Variants in FGF12 observed in about 807,000 individuals in gnomAD.
FGF12 encodes fibroblast growth factor 12.
Under a neutral mutation model 23.6 loss-of-function variants are expected in FGF12, and 14 were observed. The observed-to-expected ratio is 0.59, with a 90% CI of 0.39 to 0.93. The LOEUF (loss-of-function observed/expected upper bound fraction) is 0.93, where lower values mean the gene tolerates loss of function less well. Among genes scored for constraint, FGF12 ranks in the 40% least tolerant of loss-of-function variants. FGF12 has a pLI of 0.00. For missense variants in FGF12, 175 were observed against 217.8 expected (o/e 0.80, Z 1.24); for synonymous variants, 62 against 77.3 (o/e 0.80, Z 1.04).
chr3:192,441,746 T>G (rs1371379510), intron 2 of FGF12, among the ~76,000 whole-genome samples: 3 of 152,348 alleles, frequency 2.0e-5, no homozygotes, highest in South Asian at 2.1e-4. Context: ...AAGTGAGTCC[T>G]TAGCAATTCT....
chr3:192,324,204 A>C (rs1030521107), intron 4 of FGF12, among the ~76,000 whole-genome samples: 1 of 152,000 alleles, frequency 6.6e-6, no homozygotes, highest in African/African-American at 2.4e-5. Flanking sequence ...ATAAAATGCA[A>C]CTCTCTTTCA....
chr3:192,440,587 T>C (rs925056508), intron 2 of FGF12, among the ~76,000 whole-genome samples: 8 of 152,218 alleles, frequency 5.3e-5, no homozygotes, highest in Admixed American at 1.3e-4. Flanking sequence ...CTTCACGATT[T>C]TCCTTCACTA....
intron 2 of FGF12, among the ~76,000 whole-genome samples, chr3:192,682,247 C>T (rs751086165): frequency 3.3e-5 from 5 of 152,178 alleles, no homozygotes; most frequent in Admixed American, 2.6e-4. Context: ...CCAATATTAT[C>T]TGCTATAAGC....
At chr3:192,300,626 A>AT (rs1273351746) in intron 4 of FGF12, among the ~76,000 whole-genome samples, 2 of 151,668 alleles carry the variant, frequency 1.3e-5, no homozygotes, top group African/African-American at 2.4e-5. Context: ...AATGTTATGT[A>AT]TTTTTTTATA....
In FGF12 at chr3:192,302,723, A is replaced by G. The variant is rs375937976; in HGVS notation, c.228+32638T>C. The stretch of plus-strand genomic sequence containing the variant: ...CATACAAAGGAAGAACTCTGAGACC[A>G]CTAAGAAGGAAGTAAGTGTTAATGG... On this transcript the variant is annotated intron_variant, in intron 4 of 5. Coordinates refer to ENST00000445105, the MANE Select transcript of FGF12 (RefSeq NM_004113.6). Among the ~76,000 whole-genome samples, 4 of 152,346 alleles carry G rather than the reference A, an allele frequency of 2.6e-5. No homozygotes were observed. The South Asian group carries it at 8.3e-4, about 32-fold the overall frequency.
At chr3:192,660,402 C>T (rs948029620) in intron 2 of FGF12, among the ~76,000 whole-genome samples, 1 of 150,144 alleles carries the variant, frequency 6.7e-6, no homozygotes, top group Non-Finnish European at 1.5e-5. Context: ...GGAGATATAC[C>T]TCATGTTAAA....
chr3:192,245,726 G>C (rs1015459427), intron 4 of FGF12, among the ~76,000 whole-genome samples: 3 of 152,130 alleles, frequency 2.0e-5, no homozygotes, highest in Admixed American at 6.5e-5. Flanking sequence ...TGTTAGAATA[G>C]TAGCCACAAA....
chr3:192,393,348 G>A (rs1264021152), intron 2 of FGF12, among the ~76,000 whole-genome samples: 3 of 152,174 alleles, frequency 2.0e-5, no homozygotes, highest in Admixed American at 2.0e-4. Context: ...TGTAAATAGG[G>A]AGAAATAATC....
At chr3:192,243,873 A>G (rs1719749052) in intron 4 of FGF12, among the ~76,000 whole-genome samples, 1 of 152,124 alleles carries the variant, frequency 6.6e-6, no homozygotes, top group African/African-American at 2.4e-5. Context: ...CTTCAGAAAG[A>G]TAAGTGAAAG....
chr3:192,560,686 CT>C (rs1711983274), intron 2 of FGF12, among the ~76,000 whole-genome samples: 1 of 151,934 alleles, frequency 6.6e-6, no homozygotes. Context: ...AATTAAAAAC[CT>C]TCTCACAGAG....
Position 192,575,314 on chromosome 3 carries a change from G to T in FGF12, c.13+151867C>A, listed in dbSNP as rs746656330. Among the ~76,000 whole-genome samples the T allele has an allele frequency of 1.4e-4, 22 of 152,200 alleles. 1 individual carries two copies. The highest frequency in any genetic ancestry group is 3.2e-4 in the Non-Finnish European group (22 of 68,036). ...ATTTGTCAAATTGTACATTTTAATTGTGCACAGTTTGTTGTAATCTGTCAA... is the reference window on the plus strand; with the variant it reads ...ATTTGTCAAATTGTACATTTTAATTTTGCACAGTTTGTTGTAATCTGTCAA... On this transcript the variant is annotated intron_variant, in intron 2 of 5. Transcript: ENST00000445105.
At chr3:192,453,783 G>A (rs1340599918) in intron 2 of FGF12, among the ~76,000 whole-genome samples, 2 of 151,996 alleles carry the variant, frequency 1.3e-5, no homozygotes, top group African/African-American at 2.4e-5. Flanking sequence ...CCAATTTCAC[G>A]CTCATATTGA....
chr3:192,198,377 A>T (rs766808474), intron 4 of FGF12, among the ~76,000 whole-genome samples: 2 of 152,138 alleles, frequency 1.3e-5, no homozygotes, highest in Non-Finnish European at 2.9e-5. Flanking sequence ...TAACCTGAGT[A>T]AAAAAGAATC....
At chr3:192,458,601 AC>A (rs1425915871) in intron 2 of FGF12, among the ~76,000 whole-genome samples, 1 of 151,734 alleles carries the variant, frequency 6.6e-6, no homozygotes, top group Non-Finnish European at 1.5e-5. Flanking sequence ...CAATAACTGT[AC>A]CCCCACTGTA....
chr3:192,605,688 A>G (rs1714311591), intron 2 of FGF12, among the ~76,000 whole-genome samples: 1 of 152,200 alleles, frequency 6.6e-6, no homozygotes, highest in Non-Finnish European at 1.5e-5. Flanking sequence ...GCCCAACAAA[A>G]ACAGAAAAAT....
At chr3:192,495,128 G>C (rs11919092) in intron 2 of FGF12, among the ~76,000 whole-genome samples, 2,948 of 152,142 alleles carry the variant, frequency 0.019, 103 homozygotes, top group African/African-American at 0.062. Flanking sequence ...CAAAGTGCTG[G>C]GATTACAGGC....
At chr3:192,201,389 A>T (rs778147937) in intron 4 of FGF12, among the ~76,000 whole-genome samples, 1 of 152,232 alleles carries the variant, frequency 6.6e-6, no homozygotes, top group Non-Finnish European at 1.5e-5. Flanking sequence ...AGAAGGTGTG[A>T]GTGGACACCT....
chr3:192,305,226 C>T (rs1272739427), intron 4 of FGF12, among the ~76,000 whole-genome samples: 3 of 152,104 alleles, frequency 2.0e-5, no homozygotes, highest in African/African-American at 4.8e-5. Flanking sequence ...TTTCTCATTG[C>T]CACTCTTGTA....
intron 2 of FGF12, among the ~76,000 whole-genome samples, chr3:192,521,695 C>T (rs1724817025): frequency 1.3e-5 from 2 of 152,108 alleles, no homozygotes; most frequent in South Asian, 2.1e-4. Flanking sequence ...GGTAAACTTT[C>T]CCTCCTATCT....
Sources: allele counts gnomAD v4.1 joint callset (sites outside exome capture counted in the v4.1 genomes callset), GRCh38; gene constraint gnomAD v4.1.1; transcripts MANE v1.5; gene names NCBI Gene and HGNC (gene_info 2026-07-23, HGNC 2026-07-21).